The following ANKRD42 variants were observed in gnomAD, a reference collection of about 807,000 sequenced individuals.
The protein encoded by ANKRD42 is ankyrin repeat domain 42.
ANKRD42 carries 43 observed loss-of-function variants against 51.5 expected under a neutral mutation model. The observed-to-expected ratio is 0.83, with a 90% CI of 0.65 to 1.08. ANKRD42 has a LOEUF of 1.08. ANKRD42 is among the 50% of genes least tolerant of loss of function. ANKRD42 has a pLI of 0.00. For missense variants in ANKRD42, 608 were observed against 629.3 expected (o/e 0.97, Z 0.36); for synonymous variants, 203 against 213.0 (o/e 0.95, Z 0.41).
intron 3 of ANKRD42, among the ~76,000 whole-genome samples, chr11:83,206,774 A>G (rs1190051110): frequency 6.6e-6 from 1 of 152,220 alleles, no homozygotes; most frequent in Non-Finnish European, 1.5e-5. Flanking sequence ...ATATTTTGTT[A>G]TAGTAGTCCA....
rs1861507153 is a variant in ANKRD42, at chr11:83,193,807, G to A, written c.-864G>A. 1 of 454,692 alleles carries A rather than the reference G, an allele frequency of 2.2e-6. No individual in the cohort carries two copies. The highest frequency in any genetic ancestry group is 1.6e-5 in the South Asian group (1 of 64,464). 28.2% of individuals were successfully genotyped at this position (454,692 alleles called of 1,614,324 possible). A position where few individuals can be genotyped will look rare whatever the true frequency, so the allele number is the denominator to read the frequency against. ...CTCCGAGAAAGTACCAGCGGAAGGC[G>A]GCCGCCGCTACGGCGATTCGCAGGG... On this transcript the variant is annotated 5_prime_UTR_variant, in exon 1 of 11. Transcript: ENST00000533342.
At chr11:83,260,736 G>A (rs141082231), downstream of ANKRD42, 18 of 152,158 alleles carry the variant, frequency 1.2e-4, no homozygotes, top group East Asian at 2.9e-3. Flanking sequence ...TAAGACTGAA[G>A]AACTAAGATG....
intron 8 of ANKRD42, among the ~76,000 whole-genome samples, chr11:83,239,732 A>G (rs1863332492): frequency 6.6e-6 from 1 of 152,136 alleles, no homozygotes; most frequent in South Asian, 2.1e-4. Flanking sequence ...CCATTGGTCT[A>G]TTTGTATATT....
At chr11:83,200,453 A>G (rs1861825208) in intron 2 of ANKRD42, among the ~76,000 whole-genome samples, 1 of 151,852 alleles carries the variant, frequency 6.6e-6, no homozygotes, top group Admixed American at 6.5e-5. Context: ...TAACACTAAA[A>G]CTGTTATATT....
chr11:83,230,322 G>T (rs1240156870), intron 7 of ANKRD42, among the ~76,000 whole-genome samples: 2 of 152,130 alleles, frequency 1.3e-5, no homozygotes, highest in African/African-American at 4.8e-5. Context: ...AAAGTGCTAG[G>T]ATTACAGGCA....
downstream of ANKRD42, among the ~76,000 whole-genome samples, chr11:83,250,558 C>T (rs1482079802): frequency 6.6e-6 from 1 of 152,158 alleles, no homozygotes; most frequent in Admixed American, 6.5e-5. Context: ...TCTAATACTT[C>T]TGTGGAAATG....
At chr11:83,239,969 G>C (rs995929015) in intron 8 of ANKRD42, among the ~76,000 whole-genome samples, 2 of 152,138 alleles carry the variant, frequency 1.3e-5, no homozygotes, top group Non-Finnish European at 2.9e-5. Flanking sequence ...ACAACTTCCT[G>C]CATATGTTTA....
chr11:83,227,851 G>GGATC lies in ANKRD42; in HGVS notation c.893_896dup (p.Thr300IlefsTer6). The GGATC allele has an allele frequency of 6.2e-7, 1 of 1,610,216 alleles. No homozygotes were observed. Among genetic ancestry groups the GGATC allele is most frequent in the Non-Finnish European group, 8.5e-7 (1 of 1,178,874 alleles). On this transcript the variant is annotated frameshift_variant, in exon 7 of 11. Coordinates refer to ENST00000533342, the MANE Select transcript of ANKRD42 (RefSeq NM_001300975.2). LOFTEE classifies it high-confidence loss of function. ...CAATATTAATGAGCGTGCTGATAAT[G>GGATC]GATCAACTCCTATGCATAAAGGTGA...
At chr11:83,230,829 G>A (rs903340326) in intron 7 of ANKRD42, among the ~76,000 whole-genome samples, 12 of 152,044 alleles carry the variant, frequency 7.9e-5, no homozygotes, top group African/African-American at 2.7e-4. Context: ...CTCGTGATCC[G>A]CCCACCTCGG....
At position 83,245,436 on chromosome 11, in the gene ANKRD42, A is replaced by G. The variant is rs1008131879; in HGVS notation, c.1196-62A>G. On this transcript the variant is annotated intron_variant, in intron 9 of 10. Transcript: ENST00000533342. The stretch of plus-strand genomic sequence containing the variant: ...GAAGAATATGCTCAAGAATACCAGC[A>G]CCCAGTGGACACATGAGCTGTTATA... The G allele has an allele frequency of 1.7e-5, 26 of 1,495,454 alleles. No homozygotes were observed. The African/African-American group carries it at 3.2e-4, about 18-fold the overall frequency. The allele number at this position is 1,495,454 out of a possible 1,614,324, so 92.6% of individuals were successfully genotyped here.
chr11:83,209,139 G>C (rs1862201367), intron 3 of ANKRD42, among the ~76,000 whole-genome samples: 1 of 152,120 alleles, frequency 6.6e-6, no homozygotes, highest in African/African-American at 2.4e-5. Flanking sequence ...TTCTGCTTTT[G>C]AATTAGTGAA....
chr11:83,227,657 A>G (rs1862930663), intron 6 of ANKRD42, 90 bp from the exon 7 acceptor site: 1 of 1,395,694 alleles, frequency 7.2e-7, no homozygotes, highest in Admixed American at 2.4e-5. Context: ...TATTTGAGAA[A>G]ATATTGAAAC....
chr11:83,228,410 A>C (rs1862964376), intron 7 of ANKRD42, among the ~76,000 whole-genome samples: 1 of 151,472 alleles, frequency 6.6e-6, no homozygotes, highest in African/African-American at 2.4e-5. Context: ...TTGTCTTTTT[A>C]ATAGAGATGG....
chr11:83,226,534 TAAC>T (rs1029910184), intron 6 of ANKRD42, among the ~76,000 whole-genome samples: 3 of 152,212 alleles, frequency 2.0e-5, no homozygotes, highest in African/African-American at 7.2e-5. Context: ...ATTTTTAAAA[TAAC>T]AAAGTTGGAA....
downstream of ANKRD42, chr11:83,261,859 C>A: frequency 7.6e-7 from 1 of 1,314,780 alleles, no homozygotes; most frequent in South Asian, 1.3e-5. Flanking sequence ...GTAAATCTCT[C>A]CCGGTTTGGT....
chr11:83,221,022 T>C (rs1862703633), intron 5 of ANKRD42, among the ~76,000 whole-genome samples: 1 of 152,140 alleles, frequency 6.6e-6, no homozygotes, highest in Non-Finnish European at 1.5e-5. Context: ...CAGTAATTCT[T>C]AGATTTGGTC....
chr11:83,211,437 T>G lies in ANKRD42; in HGVS notation c.586+7T>G, dbSNP rs765861847. ...TACAATGGAAACCTTCCAGGTATTT[T>G]AAATAAAGCAAATATTTTAGTTTTT... is the stretch of plus-strand genomic sequence containing the variant. On this transcript the variant is annotated splice_region_variant and intron_variant, in intron 5 of 10. Transcript: ENST00000533342. 5.6e-6 allele frequency: 9 copies of G among 1,612,398 alleles called. No homozygotes were observed. In the South Asian group the frequency reaches 7.7e-5, roughly 14 times the overall value.
chr11:83,201,230 ATGAG>A (rs530175255), intron 2 of ANKRD42, among the ~76,000 whole-genome samples: 226 of 151,932 alleles, frequency 1.5e-3, no homozygotes, highest in African/African-American at 5.2e-3. Context: ...ACTTCCACTT[ATGAG>A]TGAGAACATG....
intron 1 of ANKRD42, among the ~76,000 whole-genome samples, chr11:83,195,631 G>T (rs1196918958): frequency 2.6e-5 from 4 of 152,044 alleles, no homozygotes; most frequent in Non-Finnish European, 5.9e-5. Flanking sequence ...TGGCACCACA[G>T]CACTCAGATG....
Sources: allele counts gnomAD v4.1 joint callset (sites outside exome capture counted in the v4.1 genomes callset), GRCh38; gene constraint gnomAD v4.1.1; transcripts MANE v1.5; gene names NCBI Gene and HGNC (gene_info 2026-07-23, HGNC 2026-07-21).